Variants in SMIM23 observed in about 807,000 individuals in gnomAD.
SMIM23 encodes small integral membrane protein 23.
A neutral mutation model predicts 12.8 loss-of-function variants in SMIM23; 10 were observed. That is an observed-to-expected ratio of 0.78 (90% confidence interval 0.48 to 1.32). The LOEUF (loss-of-function observed/expected upper bound fraction) is 1.32. Among genes scored for constraint, SMIM23 ranks in the 40% most tolerant of loss-of-function variants. SMIM23 has a pLI of 0.00. For missense variants in SMIM23, 184 were observed against 198.2 expected (o/e 0.93, Z 0.43); for synonymous variants, 78 against 80.1 (o/e 0.97, Z 0.14).
At chr5:171,782,052 A>G (rs1183744302), upstream of SMIM23, among the ~76,000 whole-genome samples, 1 of 152,194 alleles carries the variant, frequency 6.6e-6, no homozygotes, top group African/African-American at 2.4e-5. Context: ...CTGCTTAGGT[A>G]CCTTTCTAGG....
At chr5:171,783,489 T>C (rs1581071797), upstream of SMIM23, among the ~76,000 whole-genome samples, 1 of 152,206 alleles carries the variant, frequency 6.6e-6, no homozygotes, top group East Asian at 1.9e-4. Flanking sequence ...CAAATGGTCC[T>C]GGAGCAACTG....
At chr5:171,776,264 A>AGGGGGGGTGGGGGGGGGG in the SMIM23 span, among the ~76,000 whole-genome samples, 1 of 38,516 alleles carries the variant, frequency 2.6e-5, no homozygotes, top group South Asian at 6.5e-4. Flanking sequence ...TGAGCGGGGG[A>AGGGGGGGTGGGGGGGGGG]GGGGGGGTTG....
the SMIM23 span, chr5:171,774,832 TG>T: frequency 2.0e-5 from 7 of 353,536 alleles, no homozygotes; most frequent in African/African-American, 1.5e-4. Context: ...GTGGGAGCCT[TG>T]TCTTGGGCCG....
At chr5:171,787,105 C>T (rs999227256) in intron 1 of SMIM23, among the ~76,000 whole-genome samples, 2 of 144,938 alleles carry the variant, frequency 1.4e-5, no homozygotes, top group Non-Finnish European at 3.0e-5. Flanking sequence ...CTGCAACCTC[C>T]TCCTCCTGGG....
intron 1 of SMIM23, among the ~76,000 whole-genome samples, chr5:171,786,894 C>A (rs1365268538): frequency 6.6e-6 from 1 of 151,872 alleles, no homozygotes; most frequent in Non-Finnish European, 1.5e-5. Context: ...AAGACTGACG[C>A]TGCTCATTCA....
At chr5:171,778,186 C>T (rs1055299294), upstream of SMIM23, among the ~76,000 whole-genome samples, 2 of 151,964 alleles carry the variant, frequency 1.3e-5, no homozygotes, top group Non-Finnish European at 2.9e-5. Flanking sequence ...ACGGTGAAAC[C>T]CTGTCTACAA....
At chr5:171,783,218 G>A (rs1434228171), upstream of SMIM23, among the ~76,000 whole-genome samples, 1 of 152,216 alleles carries the variant, frequency 6.6e-6, no homozygotes, top group Non-Finnish European at 1.5e-5. Context: ...ACACCACATA[G>A]TAAATATGAT....
chr5:171,784,872 A>C (rs761938666), upstream of SMIM23, among the ~76,000 whole-genome samples: 5 of 152,238 alleles, frequency 3.3e-5, no homozygotes, highest in African/African-American at 4.8e-5. Context: ...CTACTGATAC[A>C]TGCAACAAAT....
At chr5:171,784,858 T>C (rs1755786631), upstream of SMIM23, among the ~76,000 whole-genome samples, 2 of 152,126 alleles carry the variant, frequency 1.3e-5, no homozygotes, top group South Asian at 4.1e-4. Flanking sequence ...TCAAAAAGAA[T>C]GAACTACTGA....
upstream of SMIM23, among the ~76,000 whole-genome samples, chr5:171,783,226 G>C (rs1229007511): frequency 6.6e-6 from 1 of 152,208 alleles, no homozygotes; most frequent in Non-Finnish European, 1.5e-5. Context: ...TAGTAAATAT[G>C]ATAATTCTCC....
upstream of SMIM23, chr5:171,782,876 T>C (rs1755752463): frequency 6.6e-6 from 1 of 152,224 alleles, no homozygotes; most frequent in East Asian, 1.9e-4. Context: ...CTAGAGAAGC[T>C]GTAGTAAAGT....
At chr5:171,775,678 A>G in the SMIM23 span, among the ~76,000 whole-genome samples, 10 of 152,162 alleles carry the variant, frequency 6.6e-5, no homozygotes, top group Non-Finnish European at 1.0e-4. Context: ...TAAAGCAGAC[A>G]TGGTTTTAGT....
At chr5:171,785,267 G>T (rs2113647993), upstream of SMIM23, among the ~76,000 whole-genome samples, 1 of 152,142 alleles carries the variant, frequency 6.6e-6, no homozygotes, top group Non-Finnish European at 1.5e-5. Flanking sequence ...CTACTGCAGT[G>T]AGGCAGGATA....
chr5:171,774,607 C>T, the SMIM23 span: 1 of 453,056 alleles, frequency 2.2e-6, no homozygotes, highest in Non-Finnish European at 4.4e-6. Flanking sequence ...CCCTGCCCCA[C>T]CCCACCCCAC....
At chr5:171,776,905 C>T in the SMIM23 span, among the ~76,000 whole-genome samples, 2 of 152,284 alleles carry the variant, frequency 1.3e-5, no homozygotes, top group East Asian at 3.9e-4. Context: ...AAGTCATGGG[C>T]GGAAGGGCCC....
chr5:171,776,759 G>T, the SMIM23 span, among the ~76,000 whole-genome samples: 3 of 152,134 alleles, frequency 2.0e-5, no homozygotes, highest in Admixed American at 2.0e-4. Flanking sequence ...GGGAGCAAGC[G>T]AACTGAGGAA....
chr5:171,780,828 TTGAA>T (rs967968445), upstream of SMIM23, among the ~76,000 whole-genome samples: 28 of 152,074 alleles, frequency 1.8e-4, no homozygotes, highest in Admixed American at 1.4e-3. Context: ...TTCTCTGGTC[TTGAA>T]TCTTCCCAGG....
chr5:171,776,829 C>G, the SMIM23 span, among the ~76,000 whole-genome samples: 2 of 152,218 alleles, frequency 1.3e-5, no homozygotes, highest in Non-Finnish European at 1.5e-5. Context: ...ATTTAACACA[C>G]TCAACTAATT....
rs1289113584 is a variant in SMIM23, at chr5:171,786,403, G to A, written c.105+427G>A. Among the ~76,000 whole-genome samples the A allele has an allele frequency of 2.6e-5, 4 of 152,172 alleles. No homozygotes were observed. In the East Asian group the frequency reaches 5.8e-4, roughly 22 times the overall value. ...AAAACATTAATGCTTGCTGCACACA[G>A]CCTGGTGCATCCACACCCCATCTCT... On this transcript the variant is annotated intron_variant, in intron 1 of 3. Coordinates refer to ENST00000523047, the MANE Select transcript of SMIM23 (RefSeq NM_001289970.2).
Sources: gnomAD v4.1 joint callset for allele counts (sites outside exome capture counted in the v4.1 genomes callset) on GRCh38, gnomAD v4.1.1 for gene constraint, MANE v1.5 for transcripts, NCBI Gene and HGNC (gene_info 2026-07-23, HGNC 2026-07-21) for gene names.